The following GRAMD1B variants were observed in gnomAD, a reference collection of about 807,000 sequenced individuals.
GRAMD1B encodes the protein GRAM domain containing 1B.
GRAMD1B carries 37 observed loss-of-function variants against 99.7 expected under a neutral mutation model. That is an observed-to-expected ratio of 0.37 (90% CI 0.29 to 0.49). GRAMD1B has a LOEUF of 0.49. GRAMD1B is among the 20% of genes least tolerant of loss of function. The probability of loss-of-function intolerance (pLI) is 0.98; values close to 1 mark genes in which losing one functional copy is unlikely to be tolerated. For synonymous variants in GRAMD1B, 427 were observed against 387.6 expected (o/e 1.10, Z -1.19); for missense variants, 888 against 1,009.2 (o/e 0.88, Z 1.63).
At chr11:123,477,427 T>C (rs1275874027) in intron 1 of GRAMD1B, among the ~76,000 whole-genome samples, 2 of 151,422 alleles carry the variant, frequency 1.3e-5, no homozygotes, top group Non-Finnish European at 2.9e-5. Flanking sequence ...CTGGACTAGC[T>C]GTCTTGAGCG....
intron 2 of GRAMD1B, among the ~76,000 whole-genome samples, chr11:123,553,786 GCA>G (rs1317339404): frequency 1.3e-5 from 2 of 152,132 alleles, no homozygotes; most frequent in African/African-American, 4.8e-5. Flanking sequence ...GGCTCATAAT[GCA>G]CAGACTATAT....
intron 1 of GRAMD1B, among the ~76,000 whole-genome samples, chr11:123,423,621 A>G (rs895521978): frequency 6.6e-6 from 1 of 152,228 alleles, no homozygotes; most frequent in African/African-American, 2.4e-5. Context: ...CTCAGAGGTC[A>G]TCAATGACCT....
intron 3 of GRAMD1B, among the ~76,000 whole-genome samples, chr11:123,579,286 G>A (rs185766207): frequency 1.3e-5 from 2 of 152,342 alleles, no homozygotes; most frequent in Non-Finnish European, 2.9e-5. Context: ...GGGAAGCCGA[G>A]GATGACTTAA....
At chr11:123,419,931 C>A (rs903399851) in intron 1 of GRAMD1B, among the ~76,000 whole-genome samples, 7 of 151,954 alleles carry the variant, frequency 4.6e-5, no homozygotes, top group African/African-American at 1.7e-4. Flanking sequence ...TGTCCTTGTT[C>A]CAAGGTCCAA....
At chr11:123,618,502 C>T (rs1954737204) in intron 17 of GRAMD1B, 191 bp from the exon 18 acceptor site, 1 of 859,636 alleles carries the variant, frequency 1.2e-6, no homozygotes, top group Non-Finnish European at 2.0e-6. Flanking sequence ...TGGCTCTCCC[C>T]TGTATCCTGG....
At chr11:123,471,159 G>T (rs1237265502) in intron 1 of GRAMD1B, among the ~76,000 whole-genome samples, 1 of 152,152 alleles carries the variant, frequency 6.6e-6, no homozygotes, top group African/African-American at 2.4e-5. Context: ...AACCTCATAT[G>T]GGCCCAGGCA....
rs1198646563 is a variant in GRAMD1B at position 123,534,552 on chromosome 11, G to A, written c.453-42815G>A. ...TGTGGGTTGATCCTTGGAGAATGGA[G>A]TCCACTGAGATTTCAAGAGAGACGA... is the stretch of plus-strand genomic sequence containing the variant. On this transcript the variant is annotated intron_variant, in intron 2 of 19. Transcript: ENST00000635736. Among the ~76,000 whole-genome samples the A allele has an allele frequency of 4.6e-5, 7 of 152,106 alleles. 1 individual carries two copies. The South Asian group carries it at 1.2e-3, about 27-fold the overall frequency.
chr11:123,524,187 G>T (rs1433237750), intron 2 of GRAMD1B, among the ~76,000 whole-genome samples: 1 of 152,080 alleles, frequency 6.6e-6, no homozygotes, highest in East Asian at 1.9e-4. Context: ...CCTCAGTGGG[G>T]ATATAGAGAT....
chr11:123,554,538 A>G (rs1046860628), intron 2 of GRAMD1B, among the ~76,000 whole-genome samples: 13 of 151,116 alleles, frequency 8.6e-5, no homozygotes, highest in Middle Eastern at 3.4e-3. Flanking sequence ...AAAAAAAAAA[A>G]AAAAAAAGAA....
intron 1 of GRAMD1B, among the ~76,000 whole-genome samples, chr11:123,383,980 C>A (rs1343990129): frequency 6.6e-6 from 1 of 152,078 alleles, no homozygotes; most frequent in Non-Finnish European, 1.5e-5. Context: ...AGGTGATTCT[C>A]TTGCCTTAGC....
At chr11:123,585,651 G>T (rs1198339922) in intron 4 of GRAMD1B, among the ~76,000 whole-genome samples, 1 of 152,192 alleles carries the variant, frequency 6.6e-6, no homozygotes, top group Non-Finnish European at 1.5e-5. Flanking sequence ...GATGAGTGCT[G>T]AGCTTCCTGG....
chr11:123,386,646 A>G (rs1404589740), intron 1 of GRAMD1B, among the ~76,000 whole-genome samples: 1 of 152,054 alleles, frequency 6.6e-6, no homozygotes, highest in Non-Finnish European at 1.5e-5. Flanking sequence ...ACAGGGTTTC[A>G]CCATGTTGGC....
At chr11:123,598,617 TC>T in intron 7 of GRAMD1B, 1 of 1,440,824 alleles carries the variant, frequency 6.9e-7, no homozygotes, top group African/African-American at 1.4e-5. Flanking sequence ...GGCTCGCTCT[TC>T]TGGGATCCTG....
chr11:123,503,341 G>A (rs1269883445), intron 2 of GRAMD1B, among the ~76,000 whole-genome samples: 1 of 152,182 alleles, frequency 6.6e-6, no homozygotes, highest in African/African-American at 2.4e-5. Context: ...GTAGGTAAGG[G>A]AAGGAGCTGC....
chr11:123,613,487 T>C lies in GRAMD1B; in HGVS notation c.2056T>C (p.Leu686=). Residue 686 remains leucine (L), a synonymous_variant, in exon 16 of 20, where the codon TTG becomes CTG. Transcript: ENST00000635736. ...GCTGGCCAAAACGGAGAGCACTTAT[T>C]TGGCTGAGATGCACAGACAATCTCC... The part of the protein sequence containing the change: ...SELAKTESTY[L]AEMHRQSPKE... 1 of 1,612,706 alleles carries C rather than the reference T, an allele frequency of 6.2e-7. No homozygotes were observed. Among genetic ancestry groups the C allele is most frequent in the South Asian group, 1.1e-5 (1 of 90,642 alleles).
intron 4 of GRAMD1B, among the ~76,000 whole-genome samples, chr11:123,593,293 C>CTG (rs1350593758): frequency 6.6e-6 from 1 of 152,150 alleles, no homozygotes; most frequent in Non-Finnish European, 1.5e-5. Flanking sequence ...GGCAGGATTT[C>CTG]TGTGTATTCA....
intron 2 of GRAMD1B, among the ~76,000 whole-genome samples, chr11:123,553,334 G>A (rs921221441): frequency 2.7e-5 from 4 of 148,650 alleles, no homozygotes; most frequent in African/African-American, 7.7e-5. Flanking sequence ...GGTGAAATGG[G>A]GTTTACCCCT....
At chr11:123,475,892 G>A (rs1287567652) in intron 1 of GRAMD1B, among the ~76,000 whole-genome samples, 6 of 152,064 alleles carry the variant, frequency 3.9e-5, no homozygotes, top group Admixed American at 2.6e-4. Flanking sequence ...CTCTTTTCAT[G>A]GTCTCCGAAG....
Position 123,500,181 on chromosome 11 carries a change from C to T in GRAMD1B, c.452+19288C>T, listed in dbSNP as rs1458564529. ...ACTAAAAATACAAAAATTAGCTGGGCGTGGTTGTGCATGCCTGTAGTCCCA... is the reference window on the plus strand; with the variant it reads ...ACTAAAAATACAAAAATTAGCTGGGTGTGGTTGTGCATGCCTGTAGTCCCA... On this transcript the variant is annotated intron_variant, in intron 2 of 19. Transcript: ENST00000635736. Among the ~76,000 whole-genome samples the T allele has an allele frequency of 3.3e-5, 5 of 152,164 alleles. No homozygotes were observed. The East Asian group carries it at 5.8e-4, about 18-fold the overall frequency.
Sources: gnomAD v4.1 joint callset for allele counts (sites outside exome capture counted in the v4.1 genomes callset) on GRCh38, gnomAD v4.1.1 for gene constraint, MANE v1.5 for transcripts, NCBI Gene and HGNC (gene_info 2026-07-23, HGNC 2026-07-21) for gene names.